The following DPYD variants were observed in gnomAD, a reference collection of about 807,000 sequenced individuals.
DPYD encodes dihydropyrimidine dehydrogenase.
In DPYD, 109 loss-of-function variants were observed where a neutral mutation model predicts 116.2. That is an observed-to-expected ratio of 0.94 (90% CI 0.80 to 1.10). The LOEUF (loss-of-function observed/expected upper bound fraction) is 1.10, where lower values mean the gene tolerates loss of function less well. Ranked by LOEUF, DPYD falls within the 50% of genes least tolerant of loss-of-function variation. DPYD has a pLI of 0.00. For missense variants in DPYD, 1,302 were observed against 1,254.5 expected (o/e 1.04, Z -0.57); for synonymous variants, 440 against 432.0 (o/e 1.02, Z -0.23).
chr1:97,281,327 C>A (rs1447112869), intron 18 of DPYD, among the ~76,000 whole-genome samples: 1 of 151,592 alleles, frequency 6.6e-6, no homozygotes, highest in Non-Finnish European at 1.5e-5. Flanking sequence ...AAAGGAAAAT[C>A]CAGGTTGTGA....
chr1:97,173,757 A>T (rs1312733949), intron 20 of DPYD, among the ~76,000 whole-genome samples: 1 of 149,858 alleles, frequency 6.7e-6, no homozygotes, highest in East Asian at 2.0e-4. Context: ...ACCAAAAATC[A>T]AAATCTGTCA....
chr1:97,772,061 T>G (rs1377280403), intron 3 of DPYD, among the ~76,000 whole-genome samples: 1 of 152,192 alleles, frequency 6.6e-6, no homozygotes, highest in Non-Finnish European at 1.5e-5. Flanking sequence ...TAAATCTTTA[T>G]TTATCAAAGT....
At chr1:97,213,028 A>G (rs1660144292) in intron 19 of DPYD, among the ~76,000 whole-genome samples, 1 of 152,152 alleles carries the variant, frequency 6.6e-6, no homozygotes, top group South Asian at 2.1e-4. Context: ...ACTTGCTTCC[A>G]GGTTAATAGA....
chr1:97,859,925 A>G (rs1302075030), intron 2 of DPYD, among the ~76,000 whole-genome samples: 1 of 152,188 alleles, frequency 6.6e-6, no homozygotes, highest in African/African-American at 2.4e-5. Context: ...AATTCTAAAT[A>G]TTAGGCTGGG....
chr1:97,193,725 C>A (rs935576364), intron 19 of DPYD, among the ~76,000 whole-genome samples: 2 of 152,278 alleles, frequency 1.3e-5, no homozygotes, highest in African/African-American at 2.4e-5. Flanking sequence ...CTCTGTCTCC[C>A]TCCTCATCTG....
chr1:97,416,349 G>C (rs1674289108), intron 14 of DPYD, among the ~76,000 whole-genome samples: 2 of 152,186 alleles, frequency 1.3e-5, no homozygotes, highest in Non-Finnish European at 2.9e-5. Flanking sequence ...TATAATTTGG[G>C]ATAGGTAAAG....
chr1:97,739,216 T>C (rs1252669640), intron 4 of DPYD, among the ~76,000 whole-genome samples: 1 of 152,164 alleles, frequency 6.6e-6, no homozygotes, highest in East Asian at 1.9e-4. Context: ...TTTACCATAT[T>C]GAATGAATAG....
chr1:97,257,081 A>G (rs1282572620), intron 18 of DPYD, among the ~76,000 whole-genome samples: 2 of 152,122 alleles, frequency 1.3e-5, no homozygotes, highest in Non-Finnish European at 2.9e-5. Flanking sequence ...TGCTTTTAAC[A>G]TACCACAATG....
At chr1:97,373,780 G>A (rs1671435658) in intron 15 of DPYD, 136 bp from the exon 16 acceptor site, 3 of 729,286 alleles carry the variant, frequency 4.1e-6, no homozygotes, top group Admixed American at 2.2e-5. Flanking sequence ...ATCTTGTGAG[G>A]TATAGTCTCT....
chr1:97,873,998 AG>A (rs2101622429), intron 2 of DPYD, among the ~76,000 whole-genome samples: 1 of 152,098 alleles, frequency 6.6e-6, no homozygotes, highest in South Asian at 2.1e-4. Context: ...AAAGCAGGAA[AG>A]GGAGTATAAG....
intron 14 of DPYD, among the ~76,000 whole-genome samples, chr1:97,436,148 C>G (rs930666429): frequency 2.6e-5 from 4 of 151,858 alleles, no homozygotes; most frequent in Non-Finnish European, 4.4e-5. Flanking sequence ...CTTCTTTCCC[C>G]AGCCCTTTAA....
intron 1 of DPYD, 135 bp downstream of exon 1, chr1:97,920,749 G>A (rs1170639981): frequency 7.7e-7 from 1 of 1,296,092 alleles, no homozygotes. Context: ...CTCCCCCGCA[G>A]AGCTCCCACG....
At chr1:97,735,965 C>T in intron 4 of DPYD, among the ~76,000 whole-genome samples, 1 of 151,942 alleles carries the variant, frequency 6.6e-6, no homozygotes, top group Non-Finnish European at 1.5e-5. Context: ...ACCTAAGAGT[C>T]ATTGAGAACA....
At chr1:97,546,948 G>C in intron 12 of DPYD, 1 of 1,606,700 alleles carries the variant, frequency 6.2e-7, no homozygotes, top group Non-Finnish European at 8.5e-7. Context: ...AGGAGGAAGA[G>C]GAAGATGATG....
intron 2 of DPYD, among the ~76,000 whole-genome samples, chr1:97,835,270 T>C (rs1024014591): frequency 6.6e-6 from 1 of 152,092 alleles, no homozygotes; most frequent in Non-Finnish European, 1.5e-5. Context: ...TAGTCCTTCA[T>C]AAAATGAAGG....
chr1:97,619,582 A>T (rs1296779073), intron 8 of DPYD, among the ~76,000 whole-genome samples: 1 of 152,156 alleles, frequency 6.6e-6, no homozygotes, highest in East Asian at 1.9e-4. Flanking sequence ...CAAGGGAAAC[A>T]CCGGTTACAA....
chr1:97,610,598 T>G (rs1425668100), intron 8 of DPYD, among the ~76,000 whole-genome samples: 2 of 152,058 alleles, frequency 1.3e-5, no homozygotes, highest in Non-Finnish European at 2.9e-5. Context: ...CTGAAAACTG[T>G]GTACGCGATG....
In DPYD at chr1:97,839,832, T is replaced by C. The variant is rs144503070; in HGVS notation, c.151-11636A>G. 1.6e-4 allele frequency among the ~76,000 whole-genome samples: 24 copies of C among 152,312 alleles called. No homozygotes were observed. The East Asian group carries it at 4.6e-3, about 29-fold the overall frequency. On this transcript the variant is annotated intron_variant, in intron 2 of 22. Transcript: ENST00000370192. ...ACTAGCAATGTATGAAAGAGCTTAG[T>C]TGCCTGAAACTTTGCCAGTGCTAGA...
chr1:97,466,612 T>G (rs1484606968), intron 13 of DPYD, among the ~76,000 whole-genome samples: 1 of 151,942 alleles, frequency 6.6e-6, no homozygotes, highest in Admixed American at 6.6e-5. Flanking sequence ...TTTAACATTC[T>G]GAAACATCCT....
Sources: allele counts gnomAD v4.1 joint callset (sites outside exome capture counted in the v4.1 genomes callset), GRCh38; gene constraint gnomAD v4.1.1; transcripts MANE v1.5; gene names NCBI Gene and HGNC (gene_info 2026-07-23, HGNC 2026-07-21).